The following TMED4 variants were observed in gnomAD, a reference collection of about 807,000 sequenced individuals.
The protein encoded by TMED4 is transmembrane p24 trafficking protein 4.
Under a neutral mutation model 26.5 loss-of-function variants are expected in TMED4, and 19 were observed. That is an observed-to-expected ratio of 0.72 (90% CI 0.50 to 1.05). The LOEUF is 1.05. TMED4 is among the 50% of genes least tolerant of loss of function. The pLI is 0.00. For missense variants in TMED4, 303 were observed against 302.5 expected (o/e 1.00, Z -0.01); for synonymous variants, 121 against 119.8 (o/e 1.01, Z -0.07).
Position 44,581,116 on chromosome 7 carries a change from G to C in TMED4, c.511C>G (p.Gln171Glu). The C allele has an allele frequency of 2.5e-6, 4 of 1,614,154 alleles. No individual in the cohort carries two copies. The highest frequency in any genetic ancestry group is 3.4e-6 in the Non-Finnish European group (4 of 1,180,038). The change falls in exon 4 of 5, where the codon CAG (glutamine) becomes GAG (glutamate). Residue 171 changes from glutamine to glutamate, a missense_variant. Coordinates refer to ENST00000457408, the MANE Select transcript of TMED4 (RefSeq NM_182547.4). Reference protein sequence around the residue: ...RQLLDQVEQIQKEQDYQRYRE... With the variant: ...RQLLDQVEQIEKEQDYQRYRE... ...GCCCTTTGGTAATCCTGCTCCTTCT[G>C]AATCTGTTCCACCTGATCAAGCAAC...
chr7:44,580,949 A>T, intron 4 of TMED4, 144 bp downstream of exon 4: 1 of 951,464 alleles, frequency 1.1e-6, no homozygotes, highest in African/African-American at 1.7e-5. Flanking sequence ...ACTCCGTCTC[A>T]AAAACAACAA....
chr7:44,581,851 G>C (rs1803012123), intron 1 of TMED4, 28 bp from the exon 2 acceptor site: 2 of 1,608,474 alleles, frequency 1.2e-6, no homozygotes, highest in Non-Finnish European at 1.7e-6. Context: ...AGTCACGACC[G>C]GCCCTAGTGG....
chr7:44,580,617 G>A (rs766836962), intron 4 of TMED4: 49 of 161,778 alleles, frequency 3.0e-4, no homozygotes, highest in Non-Finnish European at 6.1e-4. Flanking sequence ...TGACACATTT[G>A]GTGTTATATT....
At chr7:44,581,598 C>G in intron 2 of TMED4, 24 bp from the exon 3 acceptor site, 1 of 1,614,164 alleles carries the variant, frequency 6.2e-7, no homozygotes, top group African/African-American at 1.3e-5. Flanking sequence ...GAGTGAAGGC[C>G]CCACCTTTAT....
At chr7:44,580,402 TG>T (rs375639157) in intron 4 of TMED4, 1 of 151,676 alleles carries the variant, frequency 6.6e-6, no homozygotes, top group Non-Finnish European at 1.5e-5. Flanking sequence ...CGCTTGAACC[TG>T]GGAGGCGGAG....
Position 44,581,464 on chromosome 7 carries a change from G to A in TMED4, c.372C>T (p.Phe124=), listed in dbSNP as rs1802989081. 6.2e-7 allele frequency: 1 copy of A among 1,614,090 alleles called. No homozygotes were observed. Among genetic ancestry groups the A allele is most frequent in the African/African-American group, 1.3e-5 (1 of 74,938 alleles). The change falls in exon 3 of 5, where the codon TTC becomes TTT. Residue 124 remains phenylalanine, a synonymous_variant. Coordinates refer to ENST00000457408, the MANE Select transcript of TMED4 (RefSeq NM_182547.4). The part of the protein sequence containing the change: ...LHSNSTRMAL[F]AGGKLRVHLD... ...ATCCTCTTACCAGTTTGCCACCAGC[G>A]AAGAGAGCCATCCTGGTAGAATTGG...
Position 44,581,762 on chromosome 7 carries a change from G to A in TMED4, c.222C>T (p.Gly74=). 1 of 1,614,226 alleles carries A rather than the reference G, an allele frequency of 6.2e-7. No individual in the cohort carries two copies. Among genetic ancestry groups the A allele is most frequent in the South Asian group, 1.1e-5 (1 of 91,090 alleles). The stretch of plus-strand genomic sequence containing the variant: ...CCTTCACTTCCACGTGCATGCCCAG[G>A]CCAGGGGTCGAGGGCAGGAAGACCT... The part of the protein sequence containing the change: ...QKEVFLPSTP[G]LGMHVEVKDP... The change falls in exon 2 of 5, where the codon GGC becomes GGT. Residue 74 remains glycine, a synonymous_variant. Transcript: ENST00000457408.
intron 4 of TMED4, 169 bp downstream of exon 4, chr7:44,580,924 G>A (rs1802965922): frequency 1.4e-6 from 1 of 726,772 alleles, no homozygotes; most frequent in Admixed American, 2.8e-5. Context: ...CTCCAGCATG[G>A]GCAACAAGAG....
chr7:44,581,707 C>A lies in TMED4; in HGVS notation c.261+16G>T, dbSNP rs371020315. ...CTCCACTGAAGAACGGCTGCGTGGG[C>A]CAACGCCAGCCTTACCTTGCCGTCG... On this transcript the variant is annotated intron_variant, in intron 2 of 4. Coordinates refer to ENST00000457408, the MANE Select transcript of TMED4 (RefSeq NM_182547.4). The A allele has an allele frequency of 1.2e-6, 2 of 1,613,972 alleles. No individual in the cohort carries two copies. The highest frequency in any genetic ancestry group is 1.7e-6 in the Non-Finnish European group (2 of 1,179,952).
chr7:44,579,764 A>G, intron 4 of TMED4, 136 bp from the exon 5 acceptor site: 1 of 861,932 alleles, frequency 1.2e-6, no homozygotes, highest in Non-Finnish European at 1.7e-6. Context: ...TAGGAGTGCT[A>G]TGGTCTCCCC....
chr7:44,579,598 C>A lies in TMED4; in HGVS notation c.565G>T (p.Glu189Ter). 1.9e-6 allele frequency: 3 copies of A among 1,614,048 alleles called. No homozygotes were observed. Among genetic ancestry groups the A allele is most frequent in the Non-Finnish European group, 2.5e-6 (3 of 1,179,956 alleles). ...YREERFRLTS[E>*]STNQRVLWWS... Reference sequence around the variant, plus strand: ...CATAGGACCCTCTGGTTGGTGCTCTCGCTCGTCAGTCGGAAGCGCTCTTCA... The same window carrying A: ...CATAGGACCCTCTGGTTGGTGCTCTAGCTCGTCAGTCGGAAGCGCTCTTCA... Residue 189 changes from glutamate to a stop codon, truncating the protein, a stop_gained, in exon 5 of 5, where the codon GAG (glutamate) becomes TAG (stop). Coordinates refer to ENST00000457408, the MANE Select transcript of TMED4 (RefSeq NM_182547.4). LOFTEE classifies it high-confidence loss of function.
At position 44,578,566 on chromosome 7, in the gene TMED4, C is replaced by T. The variant is rs897999544; in HGVS notation, c.*913G>A. On this transcript the variant is annotated 3_prime_UTR_variant, in exon 5 of 5. Transcript: ENST00000457408. ...GGTGCCTGCTTTCTGGCCCACAGAC[C>T]GCTGAAATCCTAGGAGCTGCCATGG... 1 of 152,036 alleles carries T rather than the reference C, an allele frequency of 6.6e-6. No homozygotes were observed. The highest frequency in any genetic ancestry group is 2.1e-4 in the South Asian group (1 of 4,826). 9.4% of individuals were successfully genotyped at this position (152,036 alleles called of 1,614,324 possible).
chr7:44,579,776 C>T (rs368774521), intron 4 of TMED4, 148 bp from the exon 5 acceptor site: 11 of 682,684 alleles, frequency 1.6e-5, no homozygotes, highest in Middle Eastern at 5.5e-4. Context: ...GGTCTCCCCA[C>T]TGAGGCTGCC....
chr7:44,579,678 TTG>T, intron 4 of TMED4, 50 bp from the exon 5 acceptor site: 1 of 1,585,876 alleles, frequency 6.3e-7, no homozygotes. Flanking sequence ...AGTCTGGCTG[TTG>T]TGAGGTCCCT....
In TMED4 at chr7:44,581,979, G is replaced by A. The variant is rs577617145; in HGVS notation, c.160+68C>T. On this transcript the variant is annotated intron_variant, in intron 1 of 4. Coordinates refer to ENST00000457408, the MANE Select transcript of TMED4 (RefSeq NM_182547.4). ...GGGAGCCAGCGACCCGGCTGGGCTC[G>A]GGAGGAGGGAGCGCCGCCGAGGGCT... is the stretch of plus-strand genomic sequence containing the variant. 28 of 1,522,050 alleles carry A rather than the reference G, an allele frequency of 1.8e-5. No homozygotes were observed. The African/African-American group carries it at 3.7e-4, about 20-fold the overall frequency. The allele number at this position is 1,522,050 out of a possible 1,614,324, so 94.3% of individuals were successfully genotyped here.
rs565212943 is a variant in TMED4 at position 44,578,127 on chromosome 7, T to C, written c.*1352A>G. The C allele has an allele frequency of 3.3e-5, 5 of 152,312 alleles. No individual in the cohort carries two copies. Among genetic ancestry groups the C allele is most frequent in the South Asian group, 2.1e-4 (1 of 4,818 alleles). 9.4% of individuals were successfully genotyped at this position (152,312 alleles called of 1,614,324 possible). ...CTATTTGGTTGACCTTTGCAAATAGTTGAACAACCACACCGTGTATTCCCA... is the reference window on the plus strand; with the variant it reads ...CTATTTGGTTGACCTTTGCAAATAGCTGAACAACCACACCGTGTATTCCCA... On this transcript the variant is annotated 3_prime_UTR_variant, in exon 5 of 5. Transcript: ENST00000457408.
chr7:44,581,448 C>G lies in TMED4; in HGVS notation c.387+1G>C. 5 of 1,614,166 alleles carry G rather than the reference C, an allele frequency of 3.1e-6. No homozygotes were observed. Among genetic ancestry groups the G allele is most frequent in the Non-Finnish European group, 4.2e-6 (5 of 1,180,040 alleles). On this transcript the variant is annotated splice_donor_variant, in intron 3 of 4. Coordinates refer to ENST00000457408, the MANE Select transcript of TMED4 (RefSeq NM_182547.4). LOFTEE classifies it high-confidence loss of function. ...TGAAGCCAAAGAGAAAATCCTCTTA[C>G]CAGTTTGCCACCAGCGAAGAGAGCC...
At chr7:44,581,007 G>A (rs878862326) in intron 4 of TMED4, 86 bp downstream of exon 4, 4 of 1,429,536 alleles carry the variant, frequency 2.8e-6, no homozygotes, top group Non-Finnish European at 2.9e-6. Context: ...TCTCTGCAGA[G>A]CTGATCTCCC....
rs1284365562 is a variant in TMED4 at position 44,578,768 on chromosome 7, A to T, written c.*711T>A. On this transcript the variant is annotated 3_prime_UTR_variant, in exon 5 of 5. Transcript: ENST00000457408. ...GTAATCCCAGCTACTCAGGAGACTG[A>T]GGCAGGAGAATCATTTGAACCCGGG... The T allele has an allele frequency of 6.9e-6, 1 of 145,410 alleles. No individual in the cohort carries two copies. Among genetic ancestry groups the T allele is most frequent in the Non-Finnish European group, 1.5e-5 (1 of 66,672 alleles). The allele number at this position is 145,410 out of a possible 1,614,324, so 9.0% of individuals were successfully genotyped here. A position where few individuals can be genotyped will look rare whatever the true frequency, so the allele number is the denominator to read the frequency against.
Sources: allele counts gnomAD v4.1 joint callset, GRCh38; gene constraint gnomAD v4.1.1; transcripts MANE v1.5; gene names NCBI Gene and HGNC (gene_info 2026-07-23, HGNC 2026-07-21).